CAMTA1: variants seen among roughly 807,000 people sequenced by gnomAD.
The protein encoded by CAMTA1 is calmodulin-binding transcription activator 1.
A neutral mutation model predicts 170.9 loss-of-function variants in CAMTA1; 27 were observed. That is an observed-to-expected ratio of 0.16 (90% CI 0.12 to 0.22). CAMTA1 has a LOEUF of 0.22. CAMTA1 is among the 10% of genes least tolerant of loss of function. The pLI, the probability that CAMTA1 is intolerant of heterozygous loss-of-function variation, is 1.00. For synonymous variants in CAMTA1, 833 were observed against 891.5 expected (o/e 0.93, Z 1.17); for missense variants, 1,619 against 2,217.2 (o/e 0.73, Z 5.42).
rs567822967 is a variant in CAMTA1, at chr1:7,231,092, G to A, written c.303-18399G>A. ...ACTCAGGGTGCAGTCGAGTCTGATCGTGGGATGAGAGCCCCGGTGGCTACC... is the reference window on the plus strand; with the variant it reads ...ACTCAGGGTGCAGTCGAGTCTGATCATGGGATGAGAGCCCCGGTGGCTACC... On this transcript the variant is annotated intron_variant, in intron 4 of 22. Coordinates refer to ENST00000303635, the MANE Select transcript of CAMTA1 (RefSeq NM_015215.4). 1.5e-3 allele frequency among the ~76,000 whole-genome samples: 233 copies of A among 152,242 alleles called. 1 individual carries two copies. Among genetic ancestry groups the A allele is most frequent in the Non-Finnish European group, 2.5e-3 (173 of 68,012 alleles).
intron 3 of CAMTA1, among the ~76,000 whole-genome samples, chr1:7,040,774 C>T (rs978512283): frequency 4.0e-5 from 6 of 150,390 alleles, no homozygotes; most frequent in Non-Finnish European, 5.9e-5. Context: ...TCCAGGCTGG[C>T]GTGTGCAATG....
chr1:7,539,370 T>G (rs1416905720), intron 6 of CAMTA1, among the ~76,000 whole-genome samples: 2 of 152,214 alleles, frequency 1.3e-5, no homozygotes, highest in African/African-American at 4.8e-5. Flanking sequence ...TGCACAGTGG[T>G]TTTTCTTAAA....
Position 7,592,365 on chromosome 1 carries a change from C to T in CAMTA1, c.511-48035C>T, listed in dbSNP as rs966811470. On this transcript the variant is annotated intron_variant, in intron 6 of 22. Coordinates refer to ENST00000303635, the MANE Select transcript of CAMTA1 (RefSeq NM_015215.4). The surrounding 1 kb of genome is among the most constrained non-coding windows in gnomAD (Gnocchi z 4.6). ...CTCTCTCGCCAGTGCGCCTCCCCTG[C>T]GGCACATTCGGTAGGCTGGGGGTCT... 3.9e-5 allele frequency among the ~76,000 whole-genome samples: 6 copies of T among 152,202 alleles called. No homozygotes were observed. Among genetic ancestry groups the T allele is most frequent in the African/African-American group, 1.2e-4 (5 of 41,446 alleles).
intron 11 of CAMTA1, chr1:7,694,426 T>C (rs1299165813): frequency 6.6e-6 from 1 of 152,252 alleles, no homozygotes; most frequent in Non-Finnish European, 1.5e-5. Context: ...TCAGTCCACC[T>C]AAAATATGAA....
chr1:7,047,493 C>T (rs74840425), intron 3 of CAMTA1, among the ~76,000 whole-genome samples: 2 of 152,166 alleles, frequency 1.3e-5, no homozygotes, highest in African/African-American at 2.4e-5. Context: ...TGTCCCTCCT[C>T]TCTTCCGCTT....
At chr1:7,474,377 A>G (rs1330773794) in intron 6 of CAMTA1, among the ~76,000 whole-genome samples, 2 of 152,244 alleles carry the variant, frequency 1.3e-5, no homozygotes, top group African/African-American at 4.8e-5. Flanking sequence ...TTGCTCATCC[A>G]TAAAATGGAG....
At chr1:7,231,712 T>C (rs1412098762) in intron 4 of CAMTA1, among the ~76,000 whole-genome samples, 2 of 152,148 alleles carry the variant, frequency 1.3e-5, no homozygotes, top group African/African-American at 2.4e-5. Flanking sequence ...TCCGATGAGA[T>C]GGAGATGACA....
intron 4 of CAMTA1, among the ~76,000 whole-genome samples, chr1:7,223,514 C>G (rs568692394): frequency 5.9e-5 from 9 of 152,186 alleles, no homozygotes; most frequent in South Asian, 2.1e-4. Flanking sequence ...TGACTCTTAC[C>G]TCCTTGAGCA....
chr1:7,384,157 G>C (rs2087671290), intron 5 of CAMTA1, among the ~76,000 whole-genome samples: 2 of 152,260 alleles, frequency 1.3e-5, no homozygotes, highest in Admixed American at 1.3e-4. Flanking sequence ...TTCTGTGCCA[G>C]GGATGTGGGA....
chr1:7,124,314 G>A (rs1192409854), intron 4 of CAMTA1, among the ~76,000 whole-genome samples: 1 of 152,148 alleles, frequency 6.6e-6, no homozygotes, highest in Non-Finnish European at 1.5e-5. Flanking sequence ...ACCGACGGGT[G>A]CAGCATCCTC....
chr1:6,953,309 T>C (rs780147882), intron 3 of CAMTA1, among the ~76,000 whole-genome samples: 5 of 152,228 alleles, frequency 3.3e-5, no homozygotes, highest in Non-Finnish European at 7.3e-5. Flanking sequence ...CTGGCCCTTG[T>C]GAGCCATGTG....
At chr1:6,967,350 T>G (rs1572098650) in intron 3 of CAMTA1, among the ~76,000 whole-genome samples, 4 of 134,382 alleles carry the variant, frequency 3.0e-5, no homozygotes, top group African/African-American at 1.1e-4. Flanking sequence ...ATGAAGGGAG[T>G]GAGATGGGGT....
intron 5 of CAMTA1, among the ~76,000 whole-genome samples, chr1:7,323,147 T>C (rs1057247851): frequency 6.6e-6 from 1 of 152,160 alleles, no homozygotes; most frequent in Non-Finnish European, 1.5e-5. Context: ...TTAAAGTATA[T>C]AACTTTTTTC....
intron 4 of CAMTA1, among the ~76,000 whole-genome samples, chr1:7,166,740 A>G (rs755499137): frequency 6.8e-4 from 97 of 143,148 alleles, no homozygotes; most frequent in Non-Finnish European, 5.7e-4. Flanking sequence ...TGTTTTCTTC[A>G]TTTTGATACT....
At chr1:7,057,772 A>G (rs1028906389) in intron 3 of CAMTA1, among the ~76,000 whole-genome samples, 2 of 152,232 alleles carry the variant, frequency 1.3e-5, no homozygotes, top group African/African-American at 2.4e-5. Context: ...TGGCCCAGAT[A>G]TAGTCACGGT....
chr1:7,563,160 C>T (rs551005675), intron 6 of CAMTA1, among the ~76,000 whole-genome samples: 2 of 152,394 alleles, frequency 1.3e-5, no homozygotes, highest in South Asian at 4.1e-4. Flanking sequence ...GGCATCGGGG[C>T]AGCCCCATGC....
In CAMTA1 at chr1:7,456,651, G is replaced by T. The variant is rs1338756360; in HGVS notation, c.439-11179G>T. Among the ~76,000 whole-genome samples, 1 of 152,218 alleles carries T rather than the reference G, an allele frequency of 6.6e-6. No individual in the cohort carries two copies. The highest frequency in any genetic ancestry group is 1.5e-5 in the Non-Finnish European group (1 of 68,042). Reference sequence around the variant, plus strand: ...GAAAGCCTGTTCTTTGCTGGGGCCCGCAGGGAGCCAGGTATCAGGACAGAT... The same window carrying T: ...GAAAGCCTGTTCTTTGCTGGGGCCCTCAGGGAGCCAGGTATCAGGACAGAT... On this transcript the variant is annotated intron_variant, in intron 5 of 22. Coordinates refer to ENST00000303635, the MANE Select transcript of CAMTA1 (RefSeq NM_015215.4). This position sits in a 1 kb window ranked among gnomAD's most constrained non-coding sequence, Gnocchi z 4.9.
At chr1:6,894,837 CACA>C (rs1454035560) in intron 3 of CAMTA1, among the ~76,000 whole-genome samples, 1 of 152,182 alleles carries the variant, frequency 6.6e-6, no homozygotes, top group Non-Finnish European at 1.5e-5. Flanking sequence ...TGCTAACTAG[CACA>C]ACATTTTAAA....
intron 4 of CAMTA1, among the ~76,000 whole-genome samples, chr1:7,135,963 A>G (rs1002667487): frequency 6.6e-6 from 1 of 152,172 alleles, no homozygotes; most frequent in Non-Finnish European, 1.5e-5. Context: ...TTACCTGGCT[A>G]TACCCCATGC....
Sources: allele counts gnomAD v4.1 joint callset (sites outside exome capture counted in the v4.1 genomes callset), GRCh38; gene constraint gnomAD v4.1.1; non-coding constraint Gnocchi (gnomAD v3.1); transcripts MANE v1.5; gene names NCBI Gene and HGNC (gene_info 2026-07-23, HGNC 2026-07-21).